TEK: variants seen among roughly 807,000 people sequenced by gnomAD.
TEK encodes the protein TEK receptor tyrosine kinase, also known as angiopoietin-1 receptor.
TEK carries 43 observed loss-of-function variants against 131.8 expected under a neutral mutation model. That is an observed-to-expected ratio of 0.33 (90% CI 0.26 to 0.42). The LOEUF (loss-of-function observed/expected upper bound fraction) is 0.42, where lower values mean the gene tolerates loss of function less well. TEK is among the 10% of genes least tolerant of loss of function. The probability of loss-of-function intolerance (pLI) is 1.00; values close to 1 mark genes in which losing one functional copy is unlikely to be tolerated. For missense variants in TEK, 1,162 were observed against 1,384.4 expected, an observed-to-expected ratio of 0.84 and a Z score of 2.55; for synonymous variants, 580 against 491.6, an observed-to-expected ratio of 1.18 and a Z score of -2.38.
At chr9:27,206,866 C>A in intron 15 of TEK, 74 bp downstream of exon 15, 1 of 1,520,586 alleles carries the variant, frequency 6.6e-7, no homozygotes, top group Non-Finnish European at 8.9e-7. Context: ...TCATTCTTTC[C>A]TCTATGGTCT....
At chr9:27,187,540 T>C (rs1824644358) in intron 9 of TEK, among the ~76,000 whole-genome samples, 1 of 152,290 alleles carries the variant, frequency 6.6e-6, no homozygotes, top group Admixed American at 6.5e-5. Context: ...CAAACTGAAA[T>C]TAACTCAAAT....
chr9:27,130,905 A>C (rs1184308829), intron 1 of TEK, among the ~76,000 whole-genome samples: 1 of 152,190 alleles, frequency 6.6e-6, no homozygotes, highest in Non-Finnish European at 1.5e-5. Flanking sequence ...AACCTCATTG[A>C]AAGTGATAGA....
intron 15 of TEK, among the ~76,000 whole-genome samples, chr9:27,208,384 G>A (rs1825479310): frequency 6.6e-6 from 1 of 151,664 alleles, no homozygotes; most frequent in African/African-American, 2.4e-5. Flanking sequence ...CATTGTCCCT[G>A]ACTCAAGACT....
At chr9:27,114,982 C>T (rs1821493588) in intron 1 of TEK, among the ~76,000 whole-genome samples, 1 of 152,102 alleles carries the variant, frequency 6.6e-6, no homozygotes, top group Admixed American at 6.5e-5. Context: ...ATGTACTGTC[C>T]TGGAAACTAG....
chr9:27,156,758 T>C (rs1360163132), intron 1 of TEK, among the ~76,000 whole-genome samples: 1 of 152,154 alleles, frequency 6.6e-6, no homozygotes, highest in Non-Finnish European at 1.5e-5. Context: ...TAAGATAACA[T>C]GTAGCTTATT....
At chr9:27,148,975 C>T (rs7871957) in intron 1 of TEK, among the ~76,000 whole-genome samples, 1,734 of 152,128 alleles carry the variant, frequency 0.011, 44 homozygotes, top group African/African-American at 0.04. Context: ...ATTGGATGGC[C>T]AGAATGTAAG....
intron 12 of TEK, among the ~76,000 whole-genome samples, chr9:27,201,607 T>C (rs900570896): frequency 3.3e-5 from 5 of 152,176 alleles, no homozygotes; most frequent in African/African-American, 4.8e-5. Flanking sequence ...ACAATCAGAT[T>C]TGGAAGGTTC....
rs148412312 is a variant in TEK at position 27,163,292 on chromosome 9, G to A, written c.364+5150G>A. ...TCACCCTGTGCTACCTTTCAAAACA[G>A]ATGTGATCTTGCCCTCCTGGAACAC... On this transcript the variant is annotated intron_variant, in intron 2 of 22. Coordinates refer to ENST00000380036, the MANE Select transcript of TEK (RefSeq NM_000459.5). Among the ~76,000 whole-genome samples, 80 of 152,246 alleles carry A rather than the reference G, an allele frequency of 5.3e-4. 1 individual carries two copies. The highest frequency in any genetic ancestry group is 1.8e-3 in the African/African-American group (76 of 41,552).
intron 1 of TEK, among the ~76,000 whole-genome samples, chr9:27,136,305 C>T (rs1473595539): frequency 1.3e-5 from 2 of 152,136 alleles, no homozygotes; most frequent in African/African-American, 2.4e-5. Context: ...TGGTCTCAAA[C>T]ACCTGAACTC....
At chr9:27,219,963 C>A in intron 20 of TEK, 86 bp from the exon 21 acceptor site, 2 of 1,392,734 alleles carry the variant, frequency 1.4e-6, no homozygotes, top group Non-Finnish European at 2.0e-6. Context: ...TGTCTTCCTC[C>A]TGGCCCCTTA....
intron 1 of TEK, among the ~76,000 whole-genome samples, chr9:27,128,521 A>G (rs532703567): frequency 2.6e-5 from 4 of 152,256 alleles, no homozygotes; most frequent in African/African-American, 7.2e-5. Flanking sequence ...AAGAAAGTCA[A>G]TGATAGCTTG....
At chr9:27,147,433 T>C (rs1455261831) in intron 1 of TEK, among the ~76,000 whole-genome samples, 1 of 152,100 alleles carries the variant, frequency 6.6e-6, no homozygotes, top group African/African-American at 2.4e-5. Flanking sequence ...ATTGAGTTGT[T>C]TTCTTACTGT....
intron 2 of TEK, among the ~76,000 whole-genome samples, chr9:27,159,906 C>G (rs79814499): frequency 0.021 from 3,248 of 151,462 alleles, 113 homozygotes; most frequent in African/African-American, 0.074. Context: ...CTGCTGATTC[C>G]TAAAATGAAG....
chr9:27,227,159 G>A (rs1430699814), intron 21 of TEK, among the ~76,000 whole-genome samples: 1 of 152,160 alleles, frequency 6.6e-6, no homozygotes, highest in Non-Finnish European at 1.5e-5. Flanking sequence ...AGCCTTCCAT[G>A]CACATAAGGT....
At chr9:27,136,970 C>T (rs71510417) in intron 1 of TEK, among the ~76,000 whole-genome samples, 4,957 of 152,240 alleles carry the variant, frequency 0.033, 113 homozygotes, top group Non-Finnish European at 0.048. Context: ...GGCTGGAGTG[C>T]AGTGGCGCAG....
chr9:27,152,587 G>T (rs1385499410), intron 1 of TEK, among the ~76,000 whole-genome samples: 4 of 125,394 alleles, frequency 3.2e-5, no homozygotes, highest in East Asian at 2.1e-4. Context: ...AATCTTATAT[G>T]AAGCCCCCCC....
intron 1 of TEK, among the ~76,000 whole-genome samples, chr9:27,127,839 T>C (rs1473254631): frequency 1.3e-5 from 2 of 152,350 alleles, no homozygotes; most frequent in East Asian, 3.9e-4. Context: ...TTTTTTCTTG[T>C]AAATTTGTTG....
intron 1 of TEK, among the ~76,000 whole-genome samples, chr9:27,111,166 G>T (rs1821328731): frequency 6.6e-6 from 1 of 152,126 alleles, no homozygotes; most frequent in Admixed American, 6.5e-5. Flanking sequence ...CAAAATACTT[G>T]TTCCATGTCT....
At chr9:27,222,767 T>G (rs544565925) in intron 21 of TEK, among the ~76,000 whole-genome samples, 1 of 152,086 alleles carries the variant, frequency 6.6e-6, no homozygotes, top group Non-Finnish European at 1.5e-5. Flanking sequence ...CATACCAAAA[T>G]CTAAAGACCA....
Sources: allele counts gnomAD v4.1 joint callset (sites outside exome capture counted in the v4.1 genomes callset), GRCh38; gene constraint gnomAD v4.1.1; transcripts MANE v1.5; gene names NCBI Gene and HGNC (gene_info 2026-07-23, HGNC 2026-07-21).